The following HPS4 variants were observed in gnomAD, a reference collection of about 807,000 sequenced individuals.
The protein encoded by HPS4 is BLOC-3 complex member HPS4.
HPS4 carries 44 observed loss-of-function variants against 70.3 expected under a neutral mutation model. That is an observed-to-expected ratio of 0.63 (90% CI 0.49 to 0.80). The LOEUF (loss-of-function observed/expected upper bound fraction) is 0.80, where lower values mean the gene tolerates loss of function less well. Among genes scored for constraint, HPS4 ranks in the 30% least tolerant of loss-of-function variants. The pLI is 0.00. For missense variants in HPS4, 873 were observed against 884.4 expected, an observed-to-expected ratio of 0.99 and a Z score of 0.16; for synonymous variants, 377 against 355.9, an observed-to-expected ratio of 1.06 and a Z score of -0.67.
intron 11 of HPS4, among the ~76,000 whole-genome samples, chr22:26,459,287 G>A (rs1320637209): frequency 6.6e-6 from 1 of 152,246 alleles, no homozygotes; most frequent in Non-Finnish European, 1.5e-5. Context: ...CTGTCAAGGA[G>A]ATGGGTTCAA....
rs1412132348 is a variant in HPS4, at chr22:26,452,448, T to C, written c.*785A>G. On this transcript the variant is annotated 3_prime_UTR_variant, in exon 14 of 14. Transcript: ENST00000398145. ...CCCCCAGACATCTTGTAAACTCCTA[T>C]TTAGGGACACTCGCTCGAGAGGAAC... The C allele has an allele frequency of 9.0e-6, 4 of 445,124 alleles. No homozygotes were observed. Among genetic ancestry groups the C allele is most frequent in the South Asian group, 1.6e-5 (1 of 62,666 alleles). 27.6% of individuals were successfully genotyped at this position (445,124 alleles called of 1,614,324 possible). A position where few individuals can be genotyped will look rare whatever the true frequency, so the allele number is the denominator to read the frequency against.
chr22:26,479,598 G>T, intron 2 of HPS4: 2 of 1,343,410 alleles, frequency 1.5e-6, no homozygotes, highest in Non-Finnish European at 9.5e-7. Flanking sequence ...GAGAAGACAC[G>T]AGTAGCTAGA....
Position 26,464,086 on chromosome 22 carries a change from C to T in HPS4, c.1544G>A (p.Cys515Tyr). 3.7e-6 allele frequency: 6 copies of T among 1,614,280 alleles called. No individual in the cohort carries two copies. Among genetic ancestry groups the T allele is most frequent in the Admixed American group, 3.3e-5 (2 of 60,038 alleles). The change falls in exon 11 of 14, where the codon TGT becomes TAT. Residue 515 changes from cysteine (C) to tyrosine (Y), a missense_variant. Physicochemically the swap from Cys to Tyr is radical, Grantham distance 194. Coordinates refer to ENST00000398145, the MANE Select transcript of HPS4 (RefSeq NM_022081.6). ...ATCTGCAGAGGGGCCAGCACCCTGA[C>T]AGTTTGCTGAGCCTGAACTGCATTC... The part of the protein sequence containing the change: ...GLECSSGSAN[C>Y]QGAGPSADGI...
intron 10 of HPS4, 37 bp downstream of exon 10, chr22:26,465,418 G>T: frequency 1.4e-6 from 2 of 1,438,114 alleles, no homozygotes; most frequent in Non-Finnish European, 2.0e-6. Flanking sequence ...GGTCCCTCAG[G>T]TGTGGTGCAA....
intron 8 of HPS4, chr22:26,467,103 A>G (rs761057846): frequency 2.0e-5 from 3 of 152,324 alleles, no homozygotes; most frequent in Admixed American, 6.5e-5. Flanking sequence ...ATAAAATTTC[A>G]TATTTCTGCT....
rs529593305 is a variant in HPS4, at chr22:26,472,578, G to A, written c.385-160C>T. Among the ~76,000 whole-genome samples, 15 of 152,354 alleles carry A rather than the reference G, an allele frequency of 9.8e-5. No homozygotes were observed. The East Asian group carries it at 2.1e-3, about 22-fold the overall frequency. Reference sequence around the variant, plus strand: ...CCATCACAGATCCACGGCGCCTGCCGCGTGGGGGTGGCAAGCAGGGCCTGC... The same window carrying A: ...CCATCACAGATCCACGGCGCCTGCCACGTGGGGGTGGCAAGCAGGGCCTGC... On this transcript the variant is annotated intron_variant, in intron 5 of 13. Transcript: ENST00000398145.
At chr22:26,471,774 C>G (rs1220147477) in intron 6 of HPS4, among the ~76,000 whole-genome samples, 1 of 152,192 alleles carries the variant, frequency 6.6e-6, no homozygotes, top group Non-Finnish European at 1.5e-5. Context: ...GCTCAGGTAG[C>G]TGGCTCTTAA....
In HPS4 at chr22:26,482,042, A is replaced by G. The variant is rs996898386; in HGVS notation, c.-280T>C. 2 of 454,146 alleles carry G rather than the reference A, an allele frequency of 4.4e-6. No individual in the cohort carries two copies. Among genetic ancestry groups the G allele is most frequent in the Non-Finnish European group, 8.1e-6 (2 of 245,842 alleles). 28.1% of individuals were successfully genotyped at this position (454,146 alleles called of 1,614,324 possible). A position where few individuals can be genotyped will look rare whatever the true frequency, so the allele number is the denominator to read the frequency against. Reference sequence around the variant, plus strand: ...GAATCCTAGCAGAAAAGTCAAATCCATTCCTCTGGTTTCCTAAGTATCACT... The same window carrying G: ...GAATCCTAGCAGAAAAGTCAAATCCGTTCCTCTGGTTTCCTAAGTATCACT... On this transcript the variant is annotated 5_prime_UTR_variant, in exon 2 of 14. An upstream start codon of the reference 5' UTR is lost. Coordinates refer to ENST00000398145, the MANE Select transcript of HPS4 (RefSeq NM_022081.6).
downstream of HPS4, chr22:26,443,111 G>A (rs2146138304): frequency 6.2e-7 from 1 of 1,614,120 alleles, no homozygotes; most frequent in Non-Finnish European, 8.5e-7. Context: ...AGCAGAGGAT[G>A]GCCCACGGGT....
In HPS4 at chr22:26,451,993, C is replaced by CGTGT. The variant is rs1568997476; in HGVS notation, c.*1239_*1240insACAC. On this transcript the variant is annotated 3_prime_UTR_variant, in exon 14 of 14. Coordinates refer to ENST00000398145, the MANE Select transcript of HPS4 (RefSeq NM_022081.6). ...GAGGGATGCGCCCACGTTACGCGCGCGCGCGCGCGCGCACACACACACACA... is the reference window on the plus strand; with the variant it reads ...GAGGGATGCGCCCACGTTACGCGCGCGTGTGCGCGCGCGCGCACACACACACACA... 9.8e-5 allele frequency: 2 copies of CGTGT among 20,448 alleles called. 1 individual carries two copies. The highest frequency in any genetic ancestry group is 2.8e-4 in the African/African-American group (2 of 7,130). 1.3% of individuals were successfully genotyped at this position (20,448 alleles called of 1,614,324 possible). A position where few individuals can be genotyped will look rare whatever the true frequency, so the allele number is the denominator to read the frequency against.
chr22:26,445,420 A>G (rs919407131), intron 3 of HPS4, among the ~76,000 whole-genome samples: 3 of 152,186 alleles, frequency 2.0e-5, no homozygotes, highest in Admixed American at 2.0e-4. Context: ...GCGGGTCACT[A>G]GAATTGATCG....
At chr22:26,470,988 A>G in intron 6 of HPS4, 175 bp from the exon 7 acceptor site, 4 of 1,388,258 alleles carry the variant, frequency 2.9e-6, no homozygotes, top group Non-Finnish European at 4.0e-6. Context: ...CTACCTCTCT[A>G]TACTCAGAAC....
Position 26,464,169 on chromosome 22 carries a change from T to A in HPS4, c.1461A>T (p.Glu487Asp), listed in dbSNP as rs1415243652. Residue 487 changes from glutamate to aspartate, a missense_variant, in exon 11 of 14, where the codon GAA becomes GAT. Physicochemically the swap from Glu to Asp is conservative, Grantham distance 45 (BLOSUM62 2). Coordinates refer to ENST00000398145, the MANE Select transcript of HPS4 (RefSeq NM_022081.6). Reference protein sequence around the residue: ...GQRGNKLPTGEQGLDEDVDGV... With the variant: ...GQRGNKLPTGDQGLDEDVDGV... ...CATCAACATCCTCATCCAGGCCTTGTTCCCCCGTGGGAAGCTTGTTTCCTC... is the reference window on the plus strand; with the variant it reads ...CATCAACATCCTCATCCAGGCCTTGATCCCCCGTGGGAAGCTTGTTTCCTC... 1 of 1,614,126 alleles carries A rather than the reference T, an allele frequency of 6.2e-7. No homozygotes were observed. Among genetic ancestry groups the A allele is most frequent in the Non-Finnish European group, 8.5e-7 (1 of 1,179,988 alleles).
chr22:26,483,113 C>G (rs930817368), intron 1 of HPS4, among the ~76,000 whole-genome samples: 4 of 152,196 alleles, frequency 2.6e-5, no homozygotes, highest in Non-Finnish European at 5.9e-5. Context: ...CTTCTCAGCT[C>G]TAGATATTTT....
At chr22:26,475,102 C>T (rs2331252) in intron 4 of HPS4, among the ~76,000 whole-genome samples, 124,534 of 152,178 alleles carry the variant, frequency 0.82, 51,664 homozygotes, top group South Asian at 0.89. Flanking sequence ...GATGAAAACA[C>T]GTGTTCACCA....
chr22:26,443,944 C>T (rs1471165699), downstream of HPS4: 1 of 152,254 alleles, frequency 6.6e-6, no homozygotes, highest in Non-Finnish European at 1.5e-5. Context: ...TGGTGTCCCC[C>T]AGCACCAAGC....
At chr22:26,453,463 A>G in intron 13 of HPS4, 59 bp from the exon 14 acceptor site, 1 of 1,578,798 alleles carries the variant, frequency 6.3e-7, no homozygotes, top group Non-Finnish European at 8.7e-7. Flanking sequence ...CTCAGACCAC[A>G]CAGAGACCTC....
chr22:26,470,168 G>A (rs1306896042), intron 7 of HPS4, among the ~76,000 whole-genome samples: 3 of 152,282 alleles, frequency 2.0e-5, no homozygotes, highest in Admixed American at 2.0e-4. Flanking sequence ...AGATGACCTA[G>A]AGTGGCTCTT....
chr22:26,443,319 G>T (rs1326639516), downstream of HPS4: 1 of 835,006 alleles, frequency 1.2e-6, no homozygotes, highest in Non-Finnish European at 1.9e-6. Context: ...CTGCCTCAGC[G>T]GAAAGCTCTT....
Sources: allele counts gnomAD v4.1 joint callset (sites outside exome capture counted in the v4.1 genomes callset), GRCh38; gene constraint gnomAD v4.1.1; transcripts MANE v1.5; gene names NCBI Gene and HGNC (gene_info 2026-07-23, HGNC 2026-07-21).